KCNT2: variants seen among roughly 807,000 people sequenced by gnomAD.
KCNT2 encodes the protein potassium sodium-activated channel subfamily T member 2, also known as potassium channel subfamily T member 2.
In KCNT2, 67 loss-of-function variants were observed where a neutral mutation model predicts 153.8. That is an observed-to-expected ratio of 0.44 (90% CI 0.36 to 0.53). KCNT2 has a LOEUF of 0.53. Ranked by LOEUF, KCNT2 falls within the 20% of genes least tolerant of loss-of-function variation. The pLI, the probability that KCNT2 is intolerant of heterozygous loss-of-function variation, is 0.00. For missense variants in KCNT2, 975 were observed against 1,354.8 expected (o/e 0.72, Z 4.40); for synonymous variants, 500 against 458.8 (o/e 1.09, Z -1.15).
intron 27 of KCNT2, among the ~76,000 whole-genome samples, chr1:196,231,288 C>T (rs1653930410): frequency 6.6e-6 from 1 of 151,650 alleles, no homozygotes; most frequent in South Asian, 2.1e-4. Flanking sequence ...ACCGGGAAAC[C>T]AAAAAATTCA....
At chr1:196,289,658 T>C (rs1427098430) in intron 22 of KCNT2, among the ~76,000 whole-genome samples, 1 of 152,144 alleles carries the variant, frequency 6.6e-6, no homozygotes, top group Non-Finnish European at 1.5e-5. Flanking sequence ...ATGTGAAGAA[T>C]TGTAATGTCA....
chr1:196,575,976 T>A (rs1267748819), intron 1 of KCNT2, among the ~76,000 whole-genome samples: 24 of 130,290 alleles, frequency 1.8e-4, no homozygotes, highest in Non-Finnish European at 2.2e-4. Flanking sequence ...AGACCCTGTC[T>A]AAAAAAAAAA....
intron 4 of KCNT2, among the ~76,000 whole-genome samples, chr1:196,481,694 A>T (rs1234926950): frequency 6.6e-6 from 1 of 152,208 alleles, no homozygotes; most frequent in African/African-American, 2.4e-5. Context: ...TTCACTGGGC[A>T]TGAAATTCAG....
chr1:196,355,131 T>C (rs1489318886), intron 14 of KCNT2, among the ~76,000 whole-genome samples: 1 of 151,726 alleles, frequency 6.6e-6, no homozygotes, highest in Non-Finnish European at 1.5e-5. Context: ...TGAACATTTA[T>C]TCTTGTAAGT....
At chr1:196,406,826 G>A (rs988472868) in intron 12 of KCNT2, among the ~76,000 whole-genome samples, 3 of 151,250 alleles carry the variant, frequency 2.0e-5, no homozygotes, top group Non-Finnish European at 4.4e-5. Flanking sequence ...CACTCTCGTG[G>A]CTGAAAATTT....
chr1:196,500,890 A>G (rs1680644450), intron 1 of KCNT2, among the ~76,000 whole-genome samples: 2 of 152,224 alleles, frequency 1.3e-5, no homozygotes, highest in South Asian at 4.1e-4. Flanking sequence ...TGCAAAGGAT[A>G]TGAACAGACA....
chr1:196,362,072 A>G (rs1044518908), intron 14 of KCNT2, among the ~76,000 whole-genome samples: 8 of 152,080 alleles, frequency 5.3e-5, no homozygotes, highest in Non-Finnish European at 1.5e-5. Context: ...TGAAACTTCC[A>G]AGGGAACTAA....
intron 14 of KCNT2, among the ~76,000 whole-genome samples, chr1:196,342,686 C>A (rs1025796880): frequency 6.6e-6 from 1 of 151,606 alleles, no homozygotes; most frequent in Non-Finnish European, 1.5e-5. Flanking sequence ...TTTTATTTTG[C>A]TTTATACTTA....
chr1:196,507,410 A>G (rs1421148396), intron 1 of KCNT2, among the ~76,000 whole-genome samples: 1 of 152,204 alleles, frequency 6.6e-6, no homozygotes, highest in African/African-American at 2.4e-5. Flanking sequence ...ACATTAATGT[A>G]TAGAGTTTTG....
chr1:196,233,091 C>G (rs951185428), intron 27 of KCNT2, among the ~76,000 whole-genome samples: 1 of 151,226 alleles, frequency 6.6e-6, no homozygotes, highest in East Asian at 1.9e-4. Context: ...ATTTTATTAT[C>G]ATAATATACT....
intron 1 of KCNT2, among the ~76,000 whole-genome samples, chr1:196,519,024 T>C (rs1433469309): frequency 6.6e-6 from 1 of 152,102 alleles, no homozygotes; most frequent in Non-Finnish European, 1.5e-5. Context: ...TAGGTTAAAA[T>C]TGACCATACA....
intron 22 of KCNT2, among the ~76,000 whole-genome samples, chr1:196,291,332 T>C (rs576795152): frequency 2.0e-4 from 30 of 151,908 alleles, no homozygotes; most frequent in African/African-American, 7.0e-4. Context: ...TTATTAACTT[T>C]CCTTACAGAG....
At chr1:196,248,414 A>G (rs1458694059) in intron 26 of KCNT2, among the ~76,000 whole-genome samples, 2 of 152,108 alleles carry the variant, frequency 1.3e-5, no homozygotes, top group African/African-American at 2.4e-5. Flanking sequence ...GAATAAGAAA[A>G]AAAGAGGAAA....
intron 1 of KCNT2, among the ~76,000 whole-genome samples, chr1:196,569,499 T>C (rs1049591012): frequency 2.6e-4 from 40 of 152,212 alleles, no homozygotes; most frequent in African/African-American, 9.6e-4. Flanking sequence ...ATTTATCTGA[T>C]ATTTGGTCAC....
At chr1:196,414,711 A>T (rs1234078144) in intron 12 of KCNT2, among the ~76,000 whole-genome samples, 1 of 151,934 alleles carries the variant, frequency 6.6e-6, no homozygotes, top group Non-Finnish European at 1.5e-5. Flanking sequence ...TTTGATTGTT[A>T]TACCTTGTAA....
chr1:196,307,351 A>G (rs1405354567), intron 21 of KCNT2, among the ~76,000 whole-genome samples: 2 of 152,084 alleles, frequency 1.3e-5, no homozygotes, highest in Non-Finnish European at 2.9e-5. Context: ...AATCACTACC[A>G]ATATTTAAAG....
chr1:196,258,183 A>G lies in KCNT2; in HGVS notation c.3211+11T>C, dbSNP rs558860530. On this transcript the variant is annotated intron_variant, in intron 26 of 27. Coordinates refer to ENST00000294725, the MANE Select transcript of KCNT2 (RefSeq NM_198503.5). ...CGAGTCCATATATACAGTAGTTTTT[A>G]AAGAGCATACCATATCCCACTGTAG... 1.2e-6 allele frequency: 2 copies of G among 1,611,606 alleles called. No homozygotes were observed. The highest frequency in any genetic ancestry group is 1.1e-5 in the South Asian group (1 of 90,946).
chr1:196,523,457 A>G (rs1199994346), intron 1 of KCNT2, among the ~76,000 whole-genome samples: 1 of 152,098 alleles, frequency 6.6e-6, no homozygotes, highest in Non-Finnish European at 1.5e-5. Context: ...GGTGACACCT[A>G]CAGACATGGA....
intron 1 of KCNT2, among the ~76,000 whole-genome samples, chr1:196,585,393 C>T (rs1314375255): frequency 1.3e-5 from 2 of 151,946 alleles, no homozygotes. Context: ...GGAAAAGAAA[C>T]GTTTCCTCTA....
Sources: gnomAD v4.1 joint callset for allele counts (sites outside exome capture counted in the v4.1 genomes callset) on GRCh38, gnomAD v4.1.1 for gene constraint, MANE v1.5 for transcripts, NCBI Gene and HGNC (gene_info 2026-07-23, HGNC 2026-07-21) for gene names.